XIRP2: variants seen among roughly 807,000 people sequenced by gnomAD.
The protein encoded by XIRP2 is xin actin binding repeat containing 2, also known as xin actin-binding repeat-containing protein 2.
Under a neutral mutation model 277.0 loss-of-function variants are expected in XIRP2, and 236 were observed. The observed-to-expected ratio is 0.85, with a 90% CI of 0.77 to 0.95. XIRP2 has a LOEUF of 0.95. Ranked by LOEUF, XIRP2 falls within the 40% of genes least tolerant of loss-of-function variation. The pLI, the probability that XIRP2 is intolerant of heterozygous loss-of-function variation, is 0.00. For synonymous variants in XIRP2, 1,490 were observed against 1,416.5 expected (o/e 1.05, Z -1.17); for missense variants, 4,640 against 4,157.5 (o/e 1.12, Z -3.19).
At chr2:166,936,316 T>C (rs1685500179) in intron 2 of XIRP2, among the ~76,000 whole-genome samples, 2 of 152,334 alleles carry the variant, frequency 1.3e-5, no homozygotes, top group African/African-American at 4.8e-5. Flanking sequence ...ATATTAGCCC[T>C]TTGTCAGATG....
chr2:167,164,363 G>T (rs1410628195), intron 3 of XIRP2, among the ~76,000 whole-genome samples: 1 of 148,798 alleles, frequency 6.7e-6, no homozygotes. Context: ...GGAGAATGGC[G>T]TGAACCCGGG....
At chr2:167,174,884 T>G (rs1307620944) in intron 3 of XIRP2, among the ~76,000 whole-genome samples, 1 of 152,162 alleles carries the variant, frequency 6.6e-6, no homozygotes, top group Non-Finnish European at 1.5e-5. Flanking sequence ...TTCCATGTAG[T>G]TATGTGGTTT....
chr2:167,068,571 G>T (rs1418709255), intron 2 of XIRP2, among the ~76,000 whole-genome samples: 1 of 151,736 alleles, frequency 6.6e-6, no homozygotes, highest in Admixed American at 6.6e-5. Flanking sequence ...CTTAGGCTTT[G>T]TAGGCCACAT....
chr2:167,044,257 A>T (rs529659702), intron 2 of XIRP2, among the ~76,000 whole-genome samples: 1 of 152,276 alleles, frequency 6.6e-6, no homozygotes, highest in South Asian at 2.1e-4. Flanking sequence ...CAAACTAGAC[A>T]TCAAAGTAAC....
intron 1 of XIRP2, among the ~76,000 whole-genome samples, chr2:166,892,868 G>T (rs1306368122): frequency 6.8e-6 from 1 of 147,194 alleles, no homozygotes; most frequent in Admixed American, 6.9e-5. Context: ...ATATATATAT[G>T]TATGTGTGTA....
chr2:167,052,597 C>T (rs1416796709), intron 2 of XIRP2, among the ~76,000 whole-genome samples: 1 of 152,114 alleles, frequency 6.6e-6, no homozygotes, highest in Non-Finnish European at 1.5e-5. Flanking sequence ...CATAACAGTA[C>T]TTTTAAATTT....
chr2:167,226,918 G>C (rs187244878), intron 5 of XIRP2, among the ~76,000 whole-genome samples: 2 of 152,264 alleles, frequency 1.3e-5, no homozygotes. Context: ...TGGGAACTCT[G>C]AGCATTTAAG....
intron 2 of XIRP2, among the ~76,000 whole-genome samples, chr2:166,998,151 C>A (rs1172781693): frequency 6.6e-6 from 1 of 152,136 alleles, no homozygotes; most frequent in Non-Finnish European, 1.5e-5. Flanking sequence ...GATTCCATGT[C>A]TTTGCTATTG....
intron 2 of XIRP2, among the ~76,000 whole-genome samples, chr2:167,007,709 A>T (rs796539573): frequency 0.26 from 33,858 of 131,042 alleles, 4,189 homozygotes; most frequent in African/African-American, 0.38. Flanking sequence ...TCTCTCACAC[A>T]CACACACACA....
chr2:167,037,924 A>G (rs1200693910), intron 2 of XIRP2, among the ~76,000 whole-genome samples: 3 of 152,062 alleles, frequency 2.0e-5, no homozygotes, highest in Admixed American at 6.5e-5. Flanking sequence ...TAAATTTTTT[A>G]TATTCTAGAT....
At chr2:166,945,717 G>C (rs914138441) in intron 2 of XIRP2, among the ~76,000 whole-genome samples, 2 of 139,464 alleles carry the variant, frequency 1.4e-5, no homozygotes, top group African/African-American at 5.5e-5. Flanking sequence ...TGTTGCCCAG[G>C]CTGGAGTGCA....
chr2:166,943,199 G>A (rs977523092), intron 2 of XIRP2, among the ~76,000 whole-genome samples: 1 of 151,896 alleles, frequency 6.6e-6, no homozygotes, highest in Non-Finnish European at 1.5e-5. Flanking sequence ...ATTATCATAG[G>A]CCTAATAATA....
intron 2 of XIRP2, among the ~76,000 whole-genome samples, chr2:166,959,585 T>C (rs1686250428): frequency 6.6e-6 from 1 of 151,850 alleles, no homozygotes; most frequent in Admixed American, 6.6e-5. Flanking sequence ...GAAGGAATCC[T>C]GGCAGACTTT....
chr2:167,077,873 T>C (rs189900827), intron 2 of XIRP2, among the ~76,000 whole-genome samples: 1 of 152,352 alleles, frequency 6.6e-6, no homozygotes. Flanking sequence ...GAAAATAGAC[T>C]ATTGGCGTAT....
chr2:167,013,437 T>TCTTCA, intron 2 of XIRP2, among the ~76,000 whole-genome samples: 1 of 151,512 alleles, frequency 6.6e-6, no homozygotes, highest in African/African-American at 2.4e-5. Flanking sequence ...CTGCAGATTC[T>TCTTCA]GACTCATTAG....
intron 2 of XIRP2, among the ~76,000 whole-genome samples, chr2:167,021,953 T>C (rs1687995646): frequency 2.6e-5 from 4 of 152,254 alleles, no homozygotes; most frequent in East Asian, 1.9e-4. Context: ...TTTCACCATA[T>C]TAATACCTTT....
intron 2 of XIRP2, among the ~76,000 whole-genome samples, chr2:167,037,079 T>A (rs1252572054): frequency 6.6e-6 from 1 of 152,148 alleles, no homozygotes; most frequent in African/African-American, 2.4e-5. Context: ...GAAAACAGAC[T>A]AATACAAGAC....
intron 5 of XIRP2, among the ~76,000 whole-genome samples, chr2:167,227,326 T>C (rs892483225): frequency 3.3e-5 from 5 of 152,162 alleles, no homozygotes; most frequent in African/African-American, 1.2e-4. Flanking sequence ...ACCAATTTAC[T>C]GATACTCTAA....
At chr2:167,225,695 C>T (rs1047677467) in intron 5 of XIRP2, among the ~76,000 whole-genome samples, 1 of 152,036 alleles carries the variant, frequency 6.6e-6, no homozygotes, top group African/African-American at 2.4e-5. Context: ...AAAAACAGCA[C>T]AAACATTGTT....
Sources: gnomAD v4.1 joint callset for allele counts (sites outside exome capture counted in the v4.1 genomes callset) on GRCh38, gnomAD v4.1.1 for gene constraint, MANE v1.5 for transcripts, NCBI Gene and HGNC (gene_info 2026-07-23, HGNC 2026-07-21) for gene names.